Variants in ABI3BP observed in about 807,000 individuals in gnomAD.
ABI3BP encodes the protein target of Nesh-SH3.
ABI3BP carries 216 observed loss-of-function variants against 268.6 expected under a neutral mutation model. That is an observed-to-expected ratio of 0.80 (90% CI 0.72 to 0.90). The LOEUF is 0.90. Ranked by LOEUF, ABI3BP falls within the 40% of genes least tolerant of loss-of-function variation. The pLI is 0.00. For missense variants in ABI3BP, 2,090 were observed against 2,182.4 expected (o/e 0.96, Z 0.84); for synonymous variants, 730 against 730.0 (o/e 1.00, Z 0.00).
In ABI3BP at chr3:100,850,552, T is replaced by G. The variant is rs1229960148; in HGVS notation, c.1426+108A>C. 7 of 794,008 alleles carry G rather than the reference T, an allele frequency of 8.8e-6. 1 individual carries two copies. The highest frequency in any genetic ancestry group is 1.5e-5 in the Non-Finnish European group (7 of 475,698). The allele number at this position is 794,008 out of a possible 1,614,324, so 49.2% of individuals were successfully genotyped here. On this transcript the variant is annotated intron_variant, in intron 16 of 67. Coordinates refer to ENST00000471714, the MANE Select transcript of ABI3BP (RefSeq NM_001375547.2). ...TGTATATATTGAGAAATAGGATAGA[T>G]AAATGATTAGATGTGATGGAATGAA... is the stretch of plus-strand genomic sequence containing the variant.
At chr3:100,801,010 C>T (rs1578190374) in intron 51 of ABI3BP, among the ~76,000 whole-genome samples, 2 of 152,120 alleles carry the variant, frequency 1.3e-5, no homozygotes, top group Admixed American at 6.6e-5. Context: ...TTCTCCACTG[C>T]ACTGTGTTGG....
At chr3:100,931,879 A>C (rs991707985) in intron 1 of ABI3BP, among the ~76,000 whole-genome samples, 2 of 152,116 alleles carry the variant, frequency 1.3e-5, no homozygotes, top group African/African-American at 4.8e-5. Context: ...TGGAACCACA[A>C]AACAGCCCAA....
At chr3:100,864,931 T>C (rs2153193619) in intron 10 of ABI3BP, 24 bp from the exon 11 acceptor site, 1 of 1,574,692 alleles carries the variant, frequency 6.4e-7, no homozygotes, top group East Asian at 2.3e-5. Context: ...AGCACAACTT[T>C]ACAAATTAAG....
Position 100,885,556 on chromosome 3 carries a change from A to G in ABI3BP, c.676T>C (p.Tyr226His). 1 of 1,562,008 alleles carries G rather than the reference A, an allele frequency of 6.4e-7. No individual in the cohort carries two copies. Among genetic ancestry groups the G allele is most frequent in the Non-Finnish European group, 8.7e-7 (1 of 1,150,102 alleles). ...CATACCACTGTGTGGTCTTGGTCAT[A>G]GGTACTTTGGATTTTCCCATTTACT... is the stretch of plus-strand genomic sequence containing the variant. ...KKVNGKIQST[Y>H]DQDHTVPAYV... The change falls in exon 6 of 68, where the codon TAT becomes CAT. Residue 226 changes from tyrosine to histidine, a missense_variant. Transcript: ENST00000471714.
At chr3:100,862,991 C>A in intron 12 of ABI3BP, 82 bp from the exon 13 acceptor site, 1 of 1,006,704 alleles carries the variant, frequency 9.9e-7, no homozygotes, top group Admixed American at 2.4e-5. Flanking sequence ...CTTGCAAAAA[C>A]AAAAGCAAAC....
At chr3:100,788,017 G>A (rs1171517376) in intron 56 of ABI3BP, among the ~76,000 whole-genome samples, 1 of 152,082 alleles carries the variant, frequency 6.6e-6, no homozygotes, top group Non-Finnish European at 1.5e-5. Context: ...GGTGATCACT[G>A]GGCTTCAATA....
chr3:100,915,031 A>G (rs912203497), intron 2 of ABI3BP, among the ~76,000 whole-genome samples: 5 of 152,164 alleles, frequency 3.3e-5, no homozygotes, highest in African/African-American at 1.2e-4. Context: ...AGTGCCATTG[A>G]AGGCACAAAA....
At chr3:100,853,640 A>G (rs1222451751) in intron 14 of ABI3BP, among the ~76,000 whole-genome samples, 1 of 152,188 alleles carries the variant, frequency 6.6e-6, no homozygotes, top group Non-Finnish European at 1.5e-5. Context: ...TTTAGTTCCA[A>G]AAGATGATAT....
chr3:100,983,263 A>G (rs2090432100), intron 1 of ABI3BP, among the ~76,000 whole-genome samples: 1 of 152,238 alleles, frequency 6.6e-6, no homozygotes, highest in Admixed American at 6.5e-5. Context: ...AGTGGAATAC[A>G]TTTTAAATAT....
intron 33 of ABI3BP, 124 bp from the exon 34 acceptor site, chr3:100,828,576 T>C (rs1344760583): frequency 8.9e-6 from 7 of 789,364 alleles, no homozygotes; most frequent in African/African-American, 1.7e-5. Context: ...CAAACACAAT[T>C]AGCCTCCTGA....
At chr3:100,858,542 G>A (rs551834506) in intron 14 of ABI3BP, among the ~76,000 whole-genome samples, 1 of 152,254 alleles carries the variant, frequency 6.6e-6, no homozygotes, top group African/African-American at 2.4e-5. Context: ...AAATCTTTTT[G>A]AGTACACATA....
chr3:100,912,115 C>A lies in ABI3BP; in HGVS notation c.260-9429G>T, dbSNP rs747932688. ...AACACCTTCCGTGTCCCAGACAGTG[C>A]TGGGGTTGTGTAAGGCAAGCTGGTC... is the stretch of plus-strand genomic sequence containing the variant. On this transcript the variant is annotated intron_variant, in intron 2 of 67. Transcript: ENST00000471714. 12 of 573,052 alleles carry A rather than the reference C, an allele frequency of 2.1e-5. No homozygotes were observed. In the East Asian group the frequency reaches 3.1e-4, roughly 15 times the overall value. 35.5% of individuals were successfully genotyped at this position (573,052 alleles called of 1,614,324 possible).
intron 2 of ABI3BP, among the ~76,000 whole-genome samples, chr3:100,915,450 T>C (rs1321962683): frequency 6.6e-6 from 1 of 152,098 alleles, no homozygotes; most frequent in Non-Finnish European, 1.5e-5. Context: ...TATGGAGGTG[T>C]GCACACCCAA....
chr3:100,869,330 G>GTTTTTTTT lies in ABI3BP; in HGVS notation c.911-2382_911-2375dup, dbSNP rs144604645. ...ATATTGTTTTTTCTTCTTCTTTTTG[G>GTTTTTTTT]TTTTTTTTTTTTTTTTTTTTTTTTT... On this transcript the variant is annotated intron_variant, in intron 9 of 67. Coordinates refer to ENST00000471714, the MANE Select transcript of ABI3BP (RefSeq NM_001375547.2). Among the ~76,000 whole-genome samples the GTTTTTTTT allele has an allele frequency of 2.8e-4, 14 of 49,758 alleles. 3 individuals carry two copies. The highest frequency in any genetic ancestry group is 7.4e-4 in the African/African-American group (9 of 12,212). The allele number at this position is 49,758 out of a possible 152,430, so 32.6% of individuals were successfully genotyped here. A position where few individuals can be genotyped will look rare whatever the true frequency, so the allele number is the denominator to read the frequency against.
In ABI3BP at chr3:100,775,196, G is replaced by A; in HGVS notation, c.4462+11C>T. On this transcript the variant is annotated intron_variant, in intron 60 of 67. Coordinates refer to ENST00000471714, the MANE Select transcript of ABI3BP (RefSeq NM_001375547.2). ...GCTAAGTATCCAGTGAGAACTGATG[G>A]CCATACGAACCCAGTTCTTCTCCAG... is the stretch of plus-strand genomic sequence containing the variant. 1 of 1,612,166 alleles carries A rather than the reference G, an allele frequency of 6.2e-7. No homozygotes were observed. The highest frequency in any genetic ancestry group is 2.2e-5 in the East Asian group (1 of 44,824).
chr3:100,774,743 T>C, intron 60 of ABI3BP, 70 bp from the exon 61 acceptor site: 2 of 1,184,984 alleles, frequency 1.7e-6, no homozygotes, highest in African/African-American at 1.6e-5. Flanking sequence ...GAAAAAGTTG[T>C]AGACTAAAGA....
chr3:100,811,970 A>G (rs1300816570), intron 46 of ABI3BP, among the ~76,000 whole-genome samples, 171 bp from the exon 47 acceptor site: 1 of 152,184 alleles, frequency 6.6e-6, no homozygotes, highest in African/African-American at 2.4e-5. Flanking sequence ...GGAGGGCAGA[A>G]ATGAAAGCAG....
rs550911846 is a variant in ABI3BP at position 100,864,963 on chromosome 3, C to T, written c.989-56G>A. On this transcript the variant is annotated intron_variant, in intron 10 of 67. Coordinates refer to ENST00000471714, the MANE Select transcript of ABI3BP (RefSeq NM_001375547.2). ...TAAGATAAAGTGAAGCAACCAAAGA[C>T]CAGGAGACACATCCTGTTGCCTTTT... 4.2e-4 allele frequency: 554 copies of T among 1,319,684 alleles called. 2 individuals carry two copies. Among genetic ancestry groups the T allele is most frequent in the Middle Eastern group, 2.1e-3 (8 of 3,892 alleles). The allele number at this position is 1,319,684 out of a possible 1,614,324, so 81.7% of individuals were successfully genotyped here. A position where few individuals can be genotyped will look rare whatever the true frequency, so the allele number is the denominator to read the frequency against.
intron 2 of ABI3BP, 78 bp downstream of exon 2, chr3:100,926,224 A>G: frequency 6.9e-7 from 1 of 1,454,088 alleles, no homozygotes; most frequent in East Asian, 2.3e-5. Context: ...AGTTCTTGAC[A>G]TCAAGATTTG....
Sources: allele counts gnomAD v4.1 joint callset (sites outside exome capture counted in the v4.1 genomes callset), GRCh38; gene constraint gnomAD v4.1.1; transcripts MANE v1.5; gene names NCBI Gene and HGNC (gene_info 2026-07-23, HGNC 2026-07-21).